The following AFG1L variants were observed in gnomAD, a reference collection of about 807,000 sequenced individuals.
The protein encoded by AFG1L is AFG1-like ATPase.
In AFG1L, 53 loss-of-function variants were observed where a neutral mutation model predicts 62.2. That is an observed-to-expected ratio of 0.85 (90% confidence interval 0.68 to 1.07). The LOEUF is 1.07. AFG1L is among the 50% of genes least tolerant of loss of function. The probability of loss-of-function intolerance (pLI) is 0.00; values close to 1 mark genes in which losing one functional copy is unlikely to be tolerated. For missense variants in AFG1L, 555 were observed against 590.5 expected (o/e 0.94, Z 0.62); for synonymous variants, 228 against 210.3 (o/e 1.08, Z -0.73).
At chr6:108,423,541 T>G (rs1770690276) in intron 7 of AFG1L, among the ~76,000 whole-genome samples, 1 of 152,064 alleles carries the variant, frequency 6.6e-6, no homozygotes, top group Non-Finnish European at 1.5e-5. Flanking sequence ...TGTATCAAAA[T>G]TATATTATAT....
intron 2 of AFG1L, among the ~76,000 whole-genome samples, chr6:108,331,867 G>A (rs959763815): frequency 6.6e-6 from 1 of 152,154 alleles, no homozygotes; most frequent in African/African-American, 2.4e-5. Flanking sequence ...CTTGGGAGGA[G>A]ACATCGTAGC....
At chr6:108,431,876 G>A (rs973054781) in intron 7 of AFG1L, among the ~76,000 whole-genome samples, 2 of 151,748 alleles carry the variant, frequency 1.3e-5, no homozygotes, top group Non-Finnish European at 2.9e-5. Flanking sequence ...GAGCCATTGC[G>A]CTCAGCCCGG....
At chr6:108,434,849 A>G (rs1336597206) in intron 7 of AFG1L, among the ~76,000 whole-genome samples, 3 of 152,214 alleles carry the variant, frequency 2.0e-5, no homozygotes, top group Non-Finnish European at 2.9e-5. Flanking sequence ...TAGATCCCCA[A>G]TTCGCTAAGC....
At chr6:108,353,208 G>A (rs1363830796) in intron 3 of AFG1L, among the ~76,000 whole-genome samples, 1 of 148,894 alleles carries the variant, frequency 6.7e-6, no homozygotes, top group Non-Finnish European at 1.5e-5. Flanking sequence ...AGGCTGGAGT[G>A]CAGTAGCACG....
In AFG1L at chr6:108,448,289, T is replaced by C. The variant is rs1324851483; in HGVS notation, c.890+993T>C. Among the ~76,000 whole-genome samples, 7 of 152,320 alleles carry C rather than the reference T, an allele frequency of 4.6e-5. No individual in the cohort carries two copies. In the East Asian group the frequency reaches 1.4e-3, roughly 29 times the overall value. ...TTTTAAAAAATTCATAGAGCACATT[T>C]TTCTGCTTTAACTTGGACTTTTTCT... On this transcript the variant is annotated intron_variant, in intron 8 of 12. Transcript: ENST00000368977.
At chr6:108,519,639 T>A in intron 11 of AFG1L, 58 bp from the exon 12 acceptor site, 2 of 899,046 alleles carry the variant, frequency 2.2e-6, no homozygotes, top group Non-Finnish European at 3.6e-6. Flanking sequence ...AGATTTTTCT[T>A]ACCTTCAACT....
At chr6:108,498,964 A>T (rs1444475896) in intron 10 of AFG1L, among the ~76,000 whole-genome samples, 3 of 152,084 alleles carry the variant, frequency 2.0e-5, no homozygotes, top group Admixed American at 1.3e-4. Flanking sequence ...ACAGAGTGAG[A>T]CTCTATTTCA....
At chr6:108,444,695 C>T (rs376580013) in intron 7 of AFG1L, among the ~76,000 whole-genome samples, 1 of 152,294 alleles carries the variant, frequency 6.6e-6, no homozygotes, top group East Asian at 1.9e-4. Flanking sequence ...AACAATCTTT[C>T]TTCTAAGCAG....
At chr6:108,299,582 G>C (rs1233685380) in intron 1 of AFG1L, among the ~76,000 whole-genome samples, 1 of 152,136 alleles carries the variant, frequency 6.6e-6, no homozygotes, top group Non-Finnish European at 1.5e-5. Flanking sequence ...GGGGATCTGA[G>C]ACTAAGAAAG....
intron 5 of AFG1L, among the ~76,000 whole-genome samples, chr6:108,362,584 G>C (rs1370140432): frequency 6.6e-6 from 1 of 152,122 alleles, no homozygotes; most frequent in African/African-American, 2.4e-5. Flanking sequence ...TTTCTTGAGA[G>C]TTTACTTTAT....
intron 7 of AFG1L, among the ~76,000 whole-genome samples, chr6:108,406,769 C>G (rs1781876511): frequency 6.6e-6 from 1 of 152,170 alleles, no homozygotes; most frequent in African/African-American, 2.4e-5. Context: ...TGGGCAACAT[C>G]TCATTCTACA....
intron 11 of AFG1L, among the ~76,000 whole-genome samples, chr6:108,513,751 C>CT (rs1774762137): frequency 6.6e-6 from 1 of 152,208 alleles, no homozygotes; most frequent in African/African-American, 2.4e-5. Flanking sequence ...TGTCTAACAG[C>CT]TTTGAAGAGA....
At chr6:108,329,957 G>A (rs774508588) in intron 2 of AFG1L, among the ~76,000 whole-genome samples, 2 of 152,128 alleles carry the variant, frequency 1.3e-5, no homozygotes, top group Non-Finnish European at 2.9e-5. Flanking sequence ...CATTCGTGGA[G>A]TAATGGGTTA....
chr6:108,348,072 TTTTG>T, intron 3 of AFG1L, among the ~76,000 whole-genome samples: 1 of 151,796 alleles, frequency 6.6e-6, no homozygotes, highest in South Asian at 2.1e-4. Flanking sequence ...TTTGTTTTGT[TTTTG>T]TTTTTGTTTT....
chr6:108,443,122 TCC>T (rs556683607), intron 7 of AFG1L, among the ~76,000 whole-genome samples: 378 of 152,320 alleles, frequency 2.5e-3, no homozygotes, highest in Non-Finnish European at 3.5e-3. Context: ...CTTTATTCTC[TCC>T]TGGTTTCTGT....
At chr6:108,307,547 A>C (rs1040629896) in intron 1 of AFG1L, among the ~76,000 whole-genome samples, 3 of 151,950 alleles carry the variant, frequency 2.0e-5, no homozygotes, top group Admixed American at 6.6e-5. Context: ...AGTAACTGAG[A>C]CTACAGGCGA....
chr6:108,335,462 T>G (rs1778442060), intron 2 of AFG1L, among the ~76,000 whole-genome samples: 1 of 152,228 alleles, frequency 6.6e-6, no homozygotes, highest in South Asian at 2.1e-4. Context: ...TGTGCCTATA[T>G]CCACGTATGT....
At chr6:108,485,651 TATA>T (rs1562189892) in intron 10 of AFG1L, among the ~76,000 whole-genome samples, 20 of 25,856 alleles carry the variant, frequency 7.7e-4, no homozygotes, top group African/African-American at 3.2e-3. Context: ...TATATATATA[TATA>T]TATTTTTTTT....
chr6:108,296,537 C>G (rs1776773338), intron 1 of AFG1L, among the ~76,000 whole-genome samples: 1 of 151,908 alleles, frequency 6.6e-6, no homozygotes, highest in Non-Finnish European at 1.5e-5. Context: ...TATGTATAAG[C>G]ATATACATAT....
Sources: allele counts gnomAD v4.1 joint callset (sites outside exome capture counted in the v4.1 genomes callset), GRCh38; gene constraint gnomAD v4.1.1; transcripts MANE v1.5; gene names NCBI Gene and HGNC (gene_info 2026-07-23, HGNC 2026-07-21).